The following SYNDIG1L variants were observed in gnomAD, a reference collection of about 807,000 sequenced individuals.
SYNDIG1L encodes synapse differentiation inducing 1 like.
Under a neutral mutation model 20.1 loss-of-function variants are expected in SYNDIG1L, and 13 were observed. That is an observed-to-expected ratio of 0.65 (90% CI 0.42 to 1.03). The LOEUF is 1.03. Ranked by LOEUF, SYNDIG1L falls within the 50% of genes least tolerant of loss-of-function variation. SYNDIG1L has a pLI of 0.00. For synonymous variants in SYNDIG1L, 128 were observed against 129.3 expected (o/e 0.99, Z 0.07); for missense variants, 294 against 305.1 (o/e 0.96, Z 0.27).
At chr14:74,470,208 G>GT in the SYNDIG1L span, among the ~76,000 whole-genome samples, 9 of 151,786 alleles carry the variant, frequency 5.9e-5, no homozygotes, top group Admixed American at 5.9e-4. Flanking sequence ...GATGATTCTT[G>GT]TTTTTTCACT....
the SYNDIG1L span, among the ~76,000 whole-genome samples, chr14:74,441,677 T>C: frequency 6.6e-6 from 1 of 152,030 alleles, no homozygotes; most frequent in Non-Finnish European, 1.5e-5. Flanking sequence ...GGCTAATTAC[T>C]TTTTAAACTT....
chr14:74,422,967 G>A (rs1348216045), intron 1 of SYNDIG1L, among the ~76,000 whole-genome samples: 1 of 152,046 alleles, frequency 6.6e-6, no homozygotes, highest in Non-Finnish European at 1.5e-5. Flanking sequence ...CTAAAGTGCT[G>A]GGATTACAGA....
chr14:74,468,129 T>G, the SYNDIG1L span, among the ~76,000 whole-genome samples: 5 of 152,076 alleles, frequency 3.3e-5, no homozygotes, highest in Admixed American at 6.5e-5. Context: ...GAATGGGGTG[T>G]GACTAGACCT....
Position 74,409,540 on chromosome 14 carries a change from G to T in SYNDIG1L, c.205C>A (p.Arg69=). Residue 69 remains arginine, a synonymous_variant, in exon 2 of 4, where the codon CGG becomes AGG. Coordinates refer to ENST00000331628, the MANE Select transcript of SYNDIG1L (RefSeq NM_001105579.2). ...TCTCTCCCCAGGAGGCAGCTGGGCC[G>T]GTACCAGGCCTCCACGGCCAGCTGC... ...SLQLAVEAWY[R]PSCLLGRDKV... is the part of the protein sequence containing the mutation. 6.4e-7 allele frequency: 1 copy of T among 1,574,208 alleles called. No individual in the cohort carries two copies. The highest frequency in any genetic ancestry group is 8.6e-7 in the Non-Finnish European group (1 of 1,160,786).
chr14:74,465,625 C>G, the SYNDIG1L span, among the ~76,000 whole-genome samples: 1 of 152,120 alleles, frequency 6.6e-6, no homozygotes, highest in Non-Finnish European at 1.5e-5. Context: ...TGGGTGACCC[C>G]ATCTTCCATA....
the SYNDIG1L span, among the ~76,000 whole-genome samples, chr14:74,434,287 G>T: frequency 6.6e-6 from 1 of 151,954 alleles, no homozygotes; most frequent in Non-Finnish European, 1.5e-5. Flanking sequence ...GCTGCATTGG[G>T]TACCCTTTGA....
chr14:74,424,733 A>C (rs79699382), intron 1 of SYNDIG1L, among the ~76,000 whole-genome samples: 3,587 of 152,258 alleles, frequency 0.024, 135 homozygotes, highest in African/African-American at 0.078. Flanking sequence ...CAGGTCACTG[A>C]CAGCAGGCCT....
rs923127871 is a variant in SYNDIG1L at position 74,406,413 on chromosome 14, C to A, written c.*1122G>T. The A allele has an allele frequency of 2.5e-5, 6 of 243,824 alleles. No homozygotes were observed. The highest frequency in any genetic ancestry group is 1.7e-4 in the Admixed American group (3 of 17,884). The allele number at this position is 243,824 out of a possible 1,614,324, so 15.1% of individuals were successfully genotyped here. A position where few individuals can be genotyped will look rare whatever the true frequency, so the allele number is the denominator to read the frequency against. ...AGGCAGAATCCAAACAGCCTGGAAG[C>A]TTCCCATGGAAGGTTCCTGCCACAT... On this transcript the variant is annotated 3_prime_UTR_variant, in exon 4 of 4. Transcript: ENST00000331628.
At chr14:74,460,016 G>T in the SYNDIG1L span, among the ~76,000 whole-genome samples, 1 of 151,906 alleles carries the variant, frequency 6.6e-6, no homozygotes, top group African/African-American at 2.4e-5. Context: ...ATTTCCCCTG[G>T]ACCTCCAGGG....
the SYNDIG1L span, among the ~76,000 whole-genome samples, chr14:74,477,039 A>AACACACACACAC: frequency 8.2e-5 from 8 of 97,074 alleles, no homozygotes; most frequent in East Asian, 7.1e-4. Context: ...CCCCATTCCC[A>AACACACACACAC]ACACACACAC....
In SYNDIG1L at chr14:74,407,474, C is replaced by T. The variant is rs2086092211; in HGVS notation, c.*61G>A. 8 of 1,605,306 alleles carry T rather than the reference C, an allele frequency of 5.0e-6. No individual in the cohort carries two copies. The highest frequency in any genetic ancestry group is 6.8e-6 in the Non-Finnish European group (8 of 1,177,888). ...CCGGGCCTTTCCATAGGGTCTGCAACTCCAAGCCCCACTGCTTCCTCAGGT... is the reference window on the plus strand; with the variant it reads ...CCGGGCCTTTCCATAGGGTCTGCAATTCCAAGCCCCACTGCTTCCTCAGGT... On this transcript the variant is annotated 3_prime_UTR_variant, in exon 4 of 4. Coordinates refer to ENST00000331628, the MANE Select transcript of SYNDIG1L (RefSeq NM_001105579.2).
rs141372816 is a variant in SYNDIG1L, at chr14:74,415,394, C to A, written c.-57-5593G>T. Among the ~76,000 whole-genome samples the A allele has an allele frequency of 5.9e-3, 891 of 152,144 alleles. 13 individuals carry two copies. The highest frequency in any genetic ancestry group is 0.02 in the African/African-American group (842 of 41,504). On this transcript the variant is annotated intron_variant, in intron 1 of 3. Coordinates refer to ENST00000331628, the MANE Select transcript of SYNDIG1L (RefSeq NM_001105579.2). ...AACGGTTTATGATTCTGGGGTGGGG[C>A]CTGGGAATTTGCATTTCTAACAAGT...
At chr14:74,476,220 T>G in the SYNDIG1L span, 4 of 584,100 alleles carry the variant, frequency 6.8e-6, no homozygotes, top group East Asian at 1.1e-4. Flanking sequence ...AATGCATTTC[T>G]CCAGCGCTGA....
chr14:74,429,807 A>G (rs2086290594), upstream of SYNDIG1L, among the ~76,000 whole-genome samples: 1 of 152,152 alleles, frequency 6.6e-6, no homozygotes, highest in South Asian at 2.1e-4. Context: ...CAAATTCTTG[A>G]CCCTTAATGC....
upstream of SYNDIG1L, among the ~76,000 whole-genome samples, chr14:74,428,998 A>T (rs1321567953): frequency 6.6e-6 from 1 of 152,210 alleles, no homozygotes; most frequent in South Asian, 2.1e-4. Flanking sequence ...AATGCTGCTT[A>T]GCACCATAGC....
At chr14:74,440,273 T>G in the SYNDIG1L span, among the ~76,000 whole-genome samples, 1 of 151,948 alleles carries the variant, frequency 6.6e-6, no homozygotes, top group Non-Finnish European at 1.5e-5. Flanking sequence ...CCCAGCACTC[T>G]GGGAGGCCGA....
the SYNDIG1L span, chr14:74,476,526 G>C: frequency 9.6e-5 from 147 of 1,535,524 alleles, no homozygotes; most frequent in Non-Finnish European, 1.2e-4. Context: ...GTCTCCATTT[G>C]CAACTGCAAA....
intron 2 of SYNDIG1L, 38 bp downstream of exon 2, chr14:74,409,290 C>T: frequency 2.9e-6 from 4 of 1,367,280 alleles, no homozygotes; most frequent in Non-Finnish European, 3.9e-6. Context: ...CCTTGTGTTG[C>T]TCATGCTGGA....
chr14:74,413,432 A>C (rs11159080), intron 1 of SYNDIG1L, among the ~76,000 whole-genome samples: 71,530 of 152,104 alleles, frequency 0.47, 16,939 homozygotes, highest in Non-Finnish European at 0.5. Flanking sequence ...GTTTACAAAG[A>C]GTAATGACGT....
Sources: gnomAD v4.1 joint callset for allele counts (sites outside exome capture counted in the v4.1 genomes callset) on GRCh38, gnomAD v4.1.1 for gene constraint, MANE v1.5 for transcripts, NCBI Gene and HGNC (gene_info 2026-07-23, HGNC 2026-07-21) for gene names.